PDHX: variants seen among roughly 807,000 people sequenced by gnomAD.
PDHX encodes pyruvate dehydrogenase complex component X.
PDHX carries 33 observed loss-of-function variants against 55.3 expected under a neutral mutation model. That is an observed-to-expected ratio of 0.60 (90% CI 0.45 to 0.80). The LOEUF (loss-of-function observed/expected upper bound fraction) is 0.80. Ranked by LOEUF, PDHX falls within the 30% of genes least tolerant of loss-of-function variation. PDHX has a pLI of 0.00. For missense variants in PDHX, 622 were observed against 619.9 expected (o/e 1.00, Z -0.04); for synonymous variants, 226 against 219.4 (o/e 1.03, Z -0.27).
chr11:34,959,912 A>C (rs1428653689), intron 4 of PDHX, among the ~76,000 whole-genome samples: 1 of 152,194 alleles, frequency 6.6e-6, no homozygotes, highest in African/African-American at 2.4e-5. Context: ...ATGGAGAGTT[A>C]CTGTTTAATA....
chr11:34,920,772 C>T (rs950638559), intron 1 of PDHX, among the ~76,000 whole-genome samples: 6 of 151,816 alleles, frequency 4.0e-5, no homozygotes, highest in South Asian at 2.1e-4. Context: ...CTTATCTCTA[C>T]GGAAGGCAGA....
At chr11:34,936,633 T>C (rs897286975) in intron 2 of PDHX, among the ~76,000 whole-genome samples, 5 of 151,964 alleles carry the variant, frequency 3.3e-5, no homozygotes, top group Non-Finnish European at 7.4e-5. Context: ...TCTGGCTGCA[T>C]TGGGGACATA....
At chr11:34,977,961 GT>G (rs1410715419) in intron 7 of PDHX, 162 bp from the exon 8 acceptor site, 1 of 612,634 alleles carries the variant, frequency 1.6e-6, no homozygotes, top group African/African-American at 1.9e-5. Context: ...TATAATGCAA[GT>G]TTTTCTAATC....
chr11:34,991,582 A>G (rs1855758534), intron 9 of PDHX, among the ~76,000 whole-genome samples: 1 of 152,116 alleles, frequency 6.6e-6, no homozygotes, highest in South Asian at 2.1e-4. Context: ...TTGTGGGTAT[A>G]CTACTTTGGT....
chr11:34,947,474 AAAAAC>A (rs765284044), intron 2 of PDHX, 27 bp from the exon 3 acceptor site: 6 of 1,461,334 alleles, frequency 4.1e-6, no homozygotes, highest in African/African-American at 1.4e-5. Flanking sequence ...TTATATTTTA[AAAAAC>A]AAAACAAACC....
chr11:34,942,003 C>T (rs1367019492), intron 2 of PDHX: 3 of 152,606 alleles, frequency 2.0e-5, no homozygotes, highest in Non-Finnish European at 4.4e-5. Context: ...AATCAGTCAG[C>T]TATGAACCTG....
upstream of PDHX, chr11:34,916,382 G>T (rs1322862318): frequency 6.4e-7 from 1 of 1,554,392 alleles, no homozygotes; most frequent in South Asian, 1.2e-5. Context: ...ATGCAATCAG[G>T]CGGCGCTGAG....
chr11:34,962,972 ACCCTTTTCTCTT>A (rs1389209449), intron 5 of PDHX, among the ~76,000 whole-genome samples: 1 of 152,074 alleles, frequency 6.6e-6, no homozygotes, highest in Non-Finnish European at 1.5e-5. Context: ...CTACCCTGTT[ACCCTTTTCTCTT>A]CCCTGCCTTT....
At chr11:34,968,900 G>A (rs1290477928) in intron 6 of PDHX, among the ~76,000 whole-genome samples, 5 of 152,116 alleles carry the variant, frequency 3.3e-5, no homozygotes, top group African/African-American at 9.7e-5. Flanking sequence ...AACATGGCCT[G>A]TCTTGGTGGA....
intron 4 of PDHX, among the ~76,000 whole-genome samples, chr11:34,958,656 C>T (rs1854956395): frequency 6.6e-6 from 1 of 152,106 alleles, no homozygotes; most frequent in South Asian, 2.1e-4. Flanking sequence ...ACTCTGTTGC[C>T]TTGACTCCCA....
intron 2 of PDHX, among the ~76,000 whole-genome samples, chr11:34,944,680 C>T (rs1854580875): frequency 6.6e-6 from 1 of 152,096 alleles, no homozygotes; most frequent in South Asian, 2.1e-4. Flanking sequence ...CTTTCATATT[C>T]TCTTATGATG....
intron 2 of PDHX, 112 bp downstream of exon 2, chr11:34,931,596 A>G (rs1379746082): frequency 1.5e-6 from 1 of 676,704 alleles, no homozygotes; most frequent in African/African-American, 1.8e-5. Flanking sequence ...AATTAAATAA[A>G]TTGTGTTCCT....
chr11:34,971,567 TTAA>T (rs1202580073), intron 7 of PDHX, among the ~76,000 whole-genome samples: 2 of 152,188 alleles, frequency 1.3e-5, no homozygotes. Context: ...TTTCTGTCTG[TTAA>T]TAAGGTGAAT....
intron 10 of PDHX, among the ~76,000 whole-genome samples, chr11:34,993,481 G>A (rs1392304677): frequency 2.6e-5 from 4 of 152,054 alleles, no homozygotes; most frequent in Non-Finnish European, 5.9e-5. Flanking sequence ...TATATAATGT[G>A]AAGTTTCAAG....
At chr11:34,983,104 C>T (rs1327132095) in intron 8 of PDHX, among the ~76,000 whole-genome samples, 3 of 152,148 alleles carry the variant, frequency 2.0e-5, no homozygotes, top group African/African-American at 7.2e-5. Flanking sequence ...CCCTGGGATG[C>T]AAGGGTGGTT....
At chr11:34,984,862 G>A (rs1347320999) in intron 9 of PDHX, 134 bp downstream of exon 9, 5 of 843,150 alleles carry the variant, frequency 5.9e-6, no homozygotes, top group African/African-American at 5.0e-5. Flanking sequence ...ATTTCATCAA[G>A]TGATTGTCAC....
At chr11:34,978,393 TTTA>T (rs1238529842) in intron 8 of PDHX, among the ~76,000 whole-genome samples, 13 of 152,146 alleles carry the variant, frequency 8.5e-5, no homozygotes, top group Non-Finnish European at 1.9e-4. Context: ...ATGAAAACCA[TTTA>T]TTCTAGGCAT....
intron 1 of PDHX, among the ~76,000 whole-genome samples, chr11:34,931,126 A>G (rs1353032231): frequency 4.0e-5 from 6 of 151,780 alleles, no homozygotes; most frequent in Non-Finnish European, 2.9e-5. Context: ...TTTTTTTTTG[A>G]CTTATAAGCA....
Position 34,995,113 on chromosome 11 carries a change from G to GCAA in PDHX, c.1449_1451dup (p.Thr484dup). The GCAA allele has an allele frequency of 6.2e-7, 1 of 1,613,992 alleles. No individual in the cohort carries two copies. Among genetic ancestry groups the GCAA allele is most frequent in the Non-Finnish European group, 8.5e-7 (1 of 1,179,884 alleles). On this transcript the variant is annotated inframe_insertion, in exon 11 of 11. Coordinates refer to ENST00000227868, the MANE Select transcript of PDHX (RefSeq NM_003477.3). ...CAGTCGAGTGGTTGATGACGAACTG[G>GCAA]CAACCAGGTTTCTTAAAAGTTTTAA...
Sources: gnomAD v4.1 joint callset for allele counts (sites outside exome capture counted in the v4.1 genomes callset) on GRCh38, gnomAD v4.1.1 for gene constraint, MANE v1.5 for transcripts, NCBI Gene and HGNC (gene_info 2026-07-23, HGNC 2026-07-21) for gene names.